WDFY3: variants seen among roughly 807,000 people sequenced by gnomAD.
WDFY3 encodes WD repeat and FYVE domain-containing protein 3.
A neutral mutation model predicts 409.6 loss-of-function variants in WDFY3; 66 were observed. The ratio of observed to expected loss-of-function variants is 0.16; its 90% CI spans 0.13 to 0.20. The LOEUF (loss-of-function observed/expected upper bound fraction) is 0.20, where lower values mean the gene tolerates loss of function less well. WDFY3 is among the 10% of genes least tolerant of loss of function. The pLI is 1.00. For missense variants in WDFY3, 3,031 were observed against 4,298.1 expected (o/e 0.71, Z 8.24); for synonymous variants, 1,521 against 1,537.1 (o/e 0.99, Z 0.25).
intron 2 of WDFY3, among the ~76,000 whole-genome samples, chr4:84,924,243 G>A (rs764888708): frequency 2.6e-5 from 4 of 152,074 alleles, no homozygotes; most frequent in Admixed American, 6.6e-5. Flanking sequence ...ATTTTCTAGC[G>A]TTTACAATAT....
chr4:84,844,452 T>C (rs1255037341), intron 5 of WDFY3: 20 of 1,289,358 alleles, frequency 1.6e-5, no homozygotes, highest in Non-Finnish European at 2.0e-5. Context: ...GGGAATGAAA[T>C]TACCTGAAGG....
intron 24 of WDFY3, among the ~76,000 whole-genome samples, chr4:84,785,770 TCATAA>T (rs771828195): frequency 7.2e-5 from 11 of 152,200 alleles, no homozygotes; most frequent in Non-Finnish European, 1.5e-4. Flanking sequence ...AATTATGTAC[TCATAA>T]CAGAAACTGT....
chr4:84,947,001 G>C (rs1217969352), intron 1 of WDFY3, among the ~76,000 whole-genome samples: 1 of 151,366 alleles, frequency 6.6e-6, no homozygotes, highest in African/African-American at 2.4e-5. Context: ...TAGATACGGA[G>C]TTTCACTGTG....
chr4:84,724,448 T>C lies in WDFY3; in HGVS notation c.7419A>G (p.Glu2473=), dbSNP rs1373129715. The C allele has an allele frequency of 1.9e-6, 3 of 1,612,420 alleles. No homozygotes were observed. The highest frequency in any genetic ancestry group is 2.5e-6 in the Non-Finnish European group (3 of 1,179,498). Residue 2473 remains glutamate (E), a synonymous_variant, in exon 46 of 68, where the codon GAA becomes GAG. Transcript: ENST00000295888. ...EAAQQEPEHG[E]DTIAKVKGLV... The stretch of plus-strand genomic sequence containing the variant: ...GACCTTTGACTTTAGCAATAGTGTC[T>C]TCCCCATGCTCTGGTTCTTGCTGAG...
At position 84,841,145 on chromosome 4, in the gene WDFY3, A is replaced by T. The variant is rs1430579611; in HGVS notation, c.414+9T>A. 6.3e-7 allele frequency: 1 copy of T among 1,586,904 alleles called. No individual in the cohort carries two copies. The highest frequency in any genetic ancestry group is 1.4e-5 in the African/African-American group (1 of 73,112). On this transcript the variant is annotated intron_variant, in intron 6 of 67. Transcript: ENST00000295888. ...GCTGAGTTATCAAACATGAAAACTAAGAACTTACCTGACCAGAGGAAGCTA... is the reference window on the plus strand; with the variant it reads ...GCTGAGTTATCAAACATGAAAACTATGAACTTACCTGACCAGAGGAAGCTA...
At chr4:84,948,701 C>T (rs1330093786) in intron 1 of WDFY3, among the ~76,000 whole-genome samples, 2 of 152,156 alleles carry the variant, frequency 1.3e-5, no homozygotes, top group East Asian at 3.9e-4. Flanking sequence ...CTGTCCTTTT[C>T]CTGTTTATAG....
At chr4:84,714,213 T>G (rs1007334930) in intron 50 of WDFY3, among the ~76,000 whole-genome samples, 50 of 152,148 alleles carry the variant, frequency 3.3e-4, no homozygotes, top group Non-Finnish European at 4.9e-4. Flanking sequence ...CTTGACCTCC[T>G]GGGCTTAAGC....
intron 22 of WDFY3, among the ~76,000 whole-genome samples, chr4:84,789,129 A>T (rs952501755): frequency 5.3e-5 from 8 of 152,238 alleles, no homozygotes; most frequent in Non-Finnish European, 1.2e-4. Flanking sequence ...CAAAGTAACA[A>T]GCAGGATTTA....
chr4:84,929,843 G>A (rs1026421560), intron 2 of WDFY3, among the ~76,000 whole-genome samples: 1 of 151,870 alleles, frequency 6.6e-6, no homozygotes, highest in African/African-American at 2.4e-5. Context: ...CCCAGGAGGC[G>A]GAGGTTACAG....
At chr4:84,763,644 G>C (rs989312096) in intron 32 of WDFY3, among the ~76,000 whole-genome samples, 2 of 151,546 alleles carry the variant, frequency 1.3e-5, no homozygotes, top group Non-Finnish European at 2.9e-5. Context: ...CGATCAAGGA[G>C]AAATAGAATC....
chr4:84,954,723 T>A (rs902675028), intron 1 of WDFY3, among the ~76,000 whole-genome samples: 1 of 152,218 alleles, frequency 6.6e-6, no homozygotes, highest in Admixed American at 6.5e-5. Context: ...ACATTATGTG[T>A]CTAGAGAGAA....
chr4:84,788,793 G>A (rs1290209002), intron 22 of WDFY3, among the ~76,000 whole-genome samples: 1 of 152,194 alleles, frequency 6.6e-6, no homozygotes, highest in Non-Finnish European at 1.5e-5. Context: ...GCCGAGGCAT[G>A]AGGATCACCT....
At chr4:84,710,422 G>C (rs1732691179) in intron 51 of WDFY3, among the ~76,000 whole-genome samples, 1 of 152,106 alleles carries the variant, frequency 6.6e-6, no homozygotes, top group Non-Finnish European at 1.5e-5. Context: ...CCTATTTAAG[G>C]TTTATCAGCT....
intron 3 of WDFY3, among the ~76,000 whole-genome samples, chr4:84,884,902 C>T (rs1389174633): frequency 6.6e-6 from 1 of 152,132 alleles, no homozygotes; most frequent in East Asian, 1.9e-4. Context: ...AACTAGACTC[C>T]TCTCTAAAGT....
chr4:84,807,874 TAC>T (rs1391561807), intron 15 of WDFY3, among the ~76,000 whole-genome samples: 11 of 151,772 alleles, frequency 7.2e-5, no homozygotes. Context: ...ATGGAGAAAA[TAC>T]ACAGTTCCTT....
At chr4:84,829,888 T>C (rs1578716357) in intron 8 of WDFY3, among the ~76,000 whole-genome samples, 2 of 151,054 alleles carry the variant, frequency 1.3e-5, no homozygotes, top group African/African-American at 2.4e-5. Context: ...AGAAATACTT[T>C]AGGAAATACA....
chr4:84,733,283 T>G, intron 44 of WDFY3, 99 bp downstream of exon 44: 2 of 1,311,204 alleles, frequency 1.5e-6, no homozygotes, highest in Non-Finnish European at 2.1e-6. Context: ...TTTTTAAAAT[T>G]AGCTATTTGA....
rs1467578603 is a variant in WDFY3, at chr4:84,682,392, A to G, written c.9805T>C (p.Cys3269Arg). The change falls in exon 64 of 68, where the codon TGT becomes CGT. Residue 3269 changes from cysteine (C) to arginine (R), a missense_variant. By Grantham distance (180) the Cys-to-Arg change is radical. Around this residue, in one of 16 missense-constraint regions of WDFY3, gnomAD observed 378 missense variants for 477.3 expected, o/e 0.79. Coordinates refer to ENST00000295888, the MANE Select transcript of WDFY3 (RefSeq NM_014991.6). ...PAEVLEMQEDCPEAQIGQEAQ... is the reference protein window; with the variant it reads ...PAEVLEMQEDRPEAQIGQEAQ... ...TAAATACCTATTTGTGCTTCTGGACAGTCTTCCTGCATTTCTAGGACTTCA... is the reference window on the plus strand; with the variant it reads ...TAAATACCTATTTGTGCTTCTGGACGGTCTTCCTGCATTTCTAGGACTTCA... The G allele has an allele frequency of 1.2e-6, 2 of 1,613,806 alleles. No homozygotes were observed. The highest frequency in any genetic ancestry group is 2.7e-5 in the African/African-American group (2 of 74,946).
intron 1 of WDFY3, among the ~76,000 whole-genome samples, chr4:84,944,299 T>C (rs893510948): frequency 6.6e-6 from 1 of 150,884 alleles, no homozygotes; most frequent in African/African-American, 2.4e-5. Flanking sequence ...CTGAGGGGGA[T>C]GGATCACTTG....
Sources: gnomAD v4.1 joint callset for allele counts (sites outside exome capture counted in the v4.1 genomes callset) on GRCh38, gnomAD v4.1.1 for gene constraint, gnomAD v4.1.1 regional missense constraint, MANE v1.5 for transcripts, NCBI Gene and HGNC (gene_info 2026-07-23, HGNC 2026-07-21) for gene names.